ISOC2: variants seen among roughly 807,000 people sequenced by gnomAD.
ISOC2 encodes the protein isochorismatase domain-containing protein 2.
ISOC2 carries 15 observed loss-of-function variants against 19.3 expected under a neutral mutation model. The observed-to-expected ratio is 0.78, with a 90% confidence interval of 0.52 to 1.20. The LOEUF is 1.20. Among genes scored for constraint, ISOC2 ranks in the 50% most tolerant of loss-of-function variants. ISOC2 has a pLI of 0.00. For missense variants in ISOC2, 285 were observed against 272.4 expected, an observed-to-expected ratio of 1.05 and a Z score of -0.33; for synonymous variants, 106 against 115.8, an observed-to-expected ratio of 0.92 and a Z score of 0.54.
At chr19:55,460,483 T>C (rs1986198359) in intron 1 of ISOC2, among the ~76,000 whole-genome samples, 1 of 152,172 alleles carries the variant, frequency 6.6e-6, no homozygotes, top group South Asian at 2.1e-4. Context: ...CTGGACAATG[T>C]GCAACAAGTT....
chr19:55,455,253 C>T lies in ISOC2; in HGVS notation c.419+7G>A. 4.4e-6 allele frequency: 7 copies of T among 1,606,794 alleles called. No homozygotes were observed. The highest frequency in any genetic ancestry group is 6.0e-6 in the Non-Finnish European group (7 of 1,176,004). On this transcript the variant is annotated splice_region_variant and intron_variant, in intron 4 of 5. Coordinates refer to ENST00000425675, the MANE Select transcript of ISOC2 (RefSeq NM_001136201.2). ...ACGTGCACCCACCCAGGCAGGGGCC[C>T]TCTCACCTGCGTGAGGAGCAGGCGT... is the stretch of plus-strand genomic sequence containing the variant.
Position 55,455,255 on chromosome 19 carries a change from C to T in ISOC2, c.419+5G>A, listed in dbSNP as rs1289159080. On this transcript the variant is annotated splice_donor_5th_base_variant and intron_variant, in intron 4 of 5. Transcript: ENST00000425675. ...GTGCACCCACCCAGGCAGGGGCCCT[C>T]TCACCTGCGTGAGGAGCAGGCGTCC... 1 of 1,607,930 alleles carries T rather than the reference C, an allele frequency of 6.2e-7. No individual in the cohort carries two copies. The highest frequency in any genetic ancestry group is 8.5e-7 in the Non-Finnish European group (1 of 1,176,758).
chr19:55,454,785 T>C, intron 5 of ISOC2: 2 of 542,734 alleles, frequency 3.7e-6, no homozygotes, highest in Non-Finnish European at 6.7e-6. Flanking sequence ...CCTCCCCCAT[T>C]TTATTGTTCT....
At chr19:55,455,232 G>A in intron 4 of ISOC2, 28 bp downstream of exon 4, 1 of 1,590,962 alleles carries the variant, frequency 6.3e-7, no homozygotes. Flanking sequence ...GCCCCCACGT[G>A]CACCCACCCA....
Position 55,455,134 on chromosome 19 carries a change from T to C in ISOC2, c.420-28A>G, listed in dbSNP as rs201723579. 299 of 1,482,336 alleles carry C rather than the reference T, an allele frequency of 2.0e-4. 1 individual carries two copies. The African/African-American group carries it at 3.8e-3, about 19-fold the overall frequency. The allele number at this position is 1,482,336 out of a possible 1,614,324, so 91.8% of individuals were successfully genotyped here. On this transcript the variant is annotated intron_variant, in intron 4 of 5. Coordinates refer to ENST00000425675, the MANE Select transcript of ISOC2 (RefSeq NM_001136201.2). ...GTGAGTGGGAGGGAGGGAGGGAAGG[T>C]TGGTGTGGACGCCGCAGTCTGGACA...
At chr19:55,455,366 A>G (rs1204286473) in intron 3 of ISOC2, 36 bp from the exon 4 acceptor site, 2 of 1,612,856 alleles carry the variant, frequency 1.2e-6, no homozygotes, top group East Asian at 2.2e-5. Context: ...AACCCCGGAT[A>G]AGAACGGGGG....
In ISOC2 at chr19:55,454,667, C is replaced by T. The variant is rs567453851; in HGVS notation, c.537+322G>A. ...CTGCTGACCTGTTCTTCCCCAGTGT[C>T]CGCCTGGTCACTCCCTCCTTCAGTT... On this transcript the variant is annotated intron_variant, in intron 5 of 5. Transcript: ENST00000425675. 94 of 370,006 alleles carry T rather than the reference C, an allele frequency of 2.5e-4. 1 individual carries two copies. In the South Asian group the frequency reaches 2.7e-3, roughly 11 times the overall value. The allele number at this position is 370,006 out of a possible 1,614,324, so 22.9% of individuals were successfully genotyped here.
intron 1 of ISOC2, chr19:55,459,648 C>CCT (rs1352989642): frequency 6.6e-6 from 1 of 152,268 alleles, no homozygotes; most frequent in Non-Finnish European, 1.5e-5. Flanking sequence ...GACCCTCCAG[C>CCT]CTCAGCCCAG....
intron 1 of ISOC2, among the ~76,000 whole-genome samples, chr19:55,459,545 G>A (rs1275912575): frequency 6.6e-6 from 1 of 152,082 alleles, no homozygotes; most frequent in Non-Finnish European, 1.5e-5. Context: ...TTACTCCCCT[G>A]TCTCAAACTG....
At chr19:55,455,212 G>A (rs553484643) in intron 4 of ISOC2, 48 bp downstream of exon 4, 7 of 1,567,052 alleles carry the variant, frequency 4.5e-6, no homozygotes, top group Non-Finnish European at 6.1e-6. Context: ...CTTCCTGGGA[G>A]CCCCTGATGG....
At position 55,455,664 on chromosome 19, in the gene ISOC2, C is replaced by T; in HGVS notation, c.320G>A (p.Cys107Tyr). 2 of 1,602,446 alleles carry T rather than the reference C, an allele frequency of 1.2e-6. No homozygotes were observed. The highest frequency in any genetic ancestry group is 8.5e-7 in the Non-Finnish European group (1 of 1,172,208). Reference sequence around the variant, plus strand: ...GATGCAGGCCTGTGCCTCAATGCCACAGAGCAGCACAGAGCGCAGCTGGGG... The same window carrying T: ...GATGCAGGCCTGTGCCTCAATGCCATAGAGCAGCACAGAGCGCAGCTGGGG... Reference protein sequence around the residue: ...SRPQLRSVLLCGIEAQACILN... With the variant: ...SRPQLRSVLLYGIEAQACILN... The change falls in exon 3 of 6, where the codon TGT becomes TAT. Residue 107 changes from cysteine (C) to tyrosine (Y), a missense_variant. By Grantham distance (194) the Cys-to-Tyr change is radical. Coordinates refer to ENST00000425675, the MANE Select transcript of ISOC2 (RefSeq NM_001136201.2).
At chr19:55,460,617 C>T (rs1003369169) in intron 1 of ISOC2, among the ~76,000 whole-genome samples, 3 of 152,226 alleles carry the variant, frequency 2.0e-5, no homozygotes, top group African/African-American at 7.2e-5. Context: ...ACGACGACGG[C>T]GGGAGATCCT....
Position 55,453,342 on chromosome 19 carries a change from C to A in ISOC2, c.584G>T (p.Gly195Val). ...KEPAPDSGLL[G>V]LFQGQNSLLH ...GAGGGAGTTCTGGCCTTGGAAGAGG[C>A]CCAGCAGTCCGCTGTCTGGGGCGGG... The change falls in exon 6 of 6, where the codon GGC becomes GTC. Residue 195 changes from glycine (G) to valine (V), a missense_variant. By Grantham distance (109) the Gly-to-Val change is moderately radical. Coordinates refer to ENST00000425675, the MANE Select transcript of ISOC2 (RefSeq NM_001136201.2). The A allele has an allele frequency of 6.2e-7, 1 of 1,607,830 alleles. No individual in the cohort carries two copies. The highest frequency in any genetic ancestry group is 8.5e-7 in the Non-Finnish European group (1 of 1,177,410).
chr19:55,461,179 T>C (rs1460695149), intron 1 of ISOC2, among the ~76,000 whole-genome samples: 1 of 151,638 alleles, frequency 6.6e-6, no homozygotes, highest in African/African-American at 2.4e-5. Flanking sequence ...GGTAGGGCCG[T>C]TGATTTCCCC....
intron 5 of ISOC2, 138 bp from the exon 6 acceptor site, chr19:55,453,526 T>C (rs1230515911): frequency 3.6e-6 from 2 of 549,146 alleles, no homozygotes; most frequent in Non-Finnish European, 6.3e-6. Flanking sequence ...CTCCCTCTTC[T>C]CAAGACTTTT....
intron 5 of ISOC2, chr19:55,454,228 A>C (rs919639993): frequency 6.6e-6 from 1 of 152,626 alleles, no homozygotes; most frequent in Non-Finnish European, 1.5e-5. Context: ...CTTCCCCGGC[A>C]GCTCAGAATT....
intron 1 of ISOC2, among the ~76,000 whole-genome samples, chr19:55,458,607 C>A (rs951782297): frequency 6.6e-6 from 1 of 151,604 alleles, no homozygotes; most frequent in African/African-American, 2.4e-5. Flanking sequence ...TGGCTCACTG[C>A]AAGCTCTGCC....
intron 3 of ISOC2, 64 bp from the exon 4 acceptor site, chr19:55,455,394 G>A (rs1986017396): frequency 1.3e-6 from 2 of 1,593,800 alleles, no homozygotes; most frequent in Admixed American, 1.7e-5. Flanking sequence ...TAAGGAATTG[G>A]GGATGGTGAG....
chr19:55,455,077 C>CG lies in ISOC2; in HGVS notation c.448dup (p.Arg150ProfsTer116), dbSNP rs1568457914. On this transcript the variant is annotated frameshift_variant, in exon 5 of 6. Transcript: ENST00000425675. LOFTEE classifies it high-confidence loss of function. ...GAGGAAGGCACCACTCTGTCTCATG[C>CG]GGGCCAGAGCCACCAGCCGGTCCAC... The CG allele has an allele frequency of 7.3e-7, 1 of 1,378,076 alleles. No homozygotes were observed. Among genetic ancestry groups the CG allele is most frequent in the South Asian group, 1.1e-5 (1 of 87,696 alleles). 85.4% of individuals were successfully genotyped at this position (1,378,076 alleles called of 1,614,324 possible).
Sources: allele counts gnomAD v4.1 joint callset (sites outside exome capture counted in the v4.1 genomes callset), GRCh38; gene constraint gnomAD v4.1.1; transcripts MANE v1.5; gene names NCBI Gene and HGNC (gene_info 2026-07-23, HGNC 2026-07-21).